The following AOPEP variants were observed in gnomAD, a reference collection of about 807,000 sequenced individuals.
AOPEP encodes aminopeptidase O.
A neutral mutation model predicts 98.1 loss-of-function variants in AOPEP; 77 were observed. That is an observed-to-expected ratio of 0.78 (90% CI 0.65 to 0.95). The LOEUF (loss-of-function observed/expected upper bound fraction) is 0.95. Among genes scored for constraint, AOPEP ranks in the 40% least tolerant of loss-of-function variants. The probability of loss-of-function intolerance (pLI) is 0.00; values close to 1 mark genes in which losing one functional copy is unlikely to be tolerated. For missense variants in AOPEP, 1,024 were observed against 1,024.7 expected (o/e 1.00, Z 0.01); for synonymous variants, 346 against 365.3 (o/e 0.95, Z 0.60).
At chr9:94,782,298 A>G (rs1312892610) in intron 3 of AOPEP, among the ~76,000 whole-genome samples, 1 of 152,218 alleles carries the variant, frequency 6.6e-6, no homozygotes, top group Non-Finnish European at 1.5e-5. Context: ...TTCCAGATGA[A>G]GGAGAAAAAG....
At chr9:95,149,948 C>T in the AOPEP span, 1 of 1,609,614 alleles carries the variant, frequency 6.2e-7, no homozygotes. Flanking sequence ...TTTACAGCCT[C>T]AAAGAACTCT....
the AOPEP span, among the ~76,000 whole-genome samples, chr9:95,113,484 A>AC: frequency 6.6e-6 from 1 of 152,132 alleles, no homozygotes; most frequent in African/African-American, 2.4e-5. Flanking sequence ...ATAAGAGGGT[A>AC]CCTAACACTA....
Position 94,934,080 on chromosome 9 carries a change from C to T in AOPEP, c.1661+5549C>T, listed in dbSNP as rs558502306. 1.8e-4 allele frequency among the ~76,000 whole-genome samples: 28 copies of T among 152,236 alleles called. No homozygotes were observed. The East Asian group carries it at 5.4e-3, about 29-fold the overall frequency. ...ATCTTATTTTTAAATTGAAAGCTTA[C>T]AGGCTTCAAGGAAGAGTCTGATAAG... On this transcript the variant is annotated intron_variant, in intron 7 of 16. Transcript: ENST00000375315.
At chr9:95,078,348 C>T (rs1409252321) in intron 14 of AOPEP, among the ~76,000 whole-genome samples, 5 of 152,142 alleles carry the variant, frequency 3.3e-5, no homozygotes, top group Non-Finnish European at 5.9e-5. Flanking sequence ...TGAAGGAAAG[C>T]ACAGAAAGAA....
intron 5 of AOPEP, among the ~76,000 whole-genome samples, chr9:94,868,091 C>G (rs777552021): frequency 1.1e-4 from 17 of 152,174 alleles, no homozygotes; most frequent in Non-Finnish European, 1.5e-5. Context: ...AAGAAAAATT[C>G]CAAAGCTGCA....
chr9:95,069,648 G>A (rs2068274809), intron 14 of AOPEP, among the ~76,000 whole-genome samples: 1 of 152,242 alleles, frequency 6.6e-6, no homozygotes, highest in Admixed American at 6.5e-5. Context: ...ATTTGTCTAA[G>A]ACCACACAGG....
intron 5 of AOPEP, among the ~76,000 whole-genome samples, chr9:94,890,086 G>A (rs546748443): frequency 3.3e-5 from 5 of 150,794 alleles, no homozygotes; most frequent in Non-Finnish European, 7.4e-5. Flanking sequence ...GTGCAGTGGT[G>A]TGATGGTCTT....
intron 1 of AOPEP, among the ~76,000 whole-genome samples, chr9:94,734,038 G>T (rs1395797110): frequency 2.0e-5 from 3 of 152,178 alleles, no homozygotes; most frequent in African/African-American, 4.8e-5. Flanking sequence ...TAAATATTGA[G>T]ATCTGAATGC....
intron 6 of AOPEP, 54 bp from the exon 7 acceptor site, chr9:94,928,371 C>A: frequency 7.6e-7 from 1 of 1,318,784 alleles, no homozygotes; most frequent in Non-Finnish European, 1.1e-6. Flanking sequence ...GCACCAGGAC[C>A]ACAACAGTGA....
At chr9:95,013,419 T>TTTA (rs1428733939) in intron 13 of AOPEP, among the ~76,000 whole-genome samples, 2 of 151,756 alleles carry the variant, frequency 1.3e-5, no homozygotes, top group African/African-American at 4.8e-5. Flanking sequence ...TTTTTTTTTT[T>TTTA]TACTTCCTGT....
At chr9:95,031,443 A>G (rs1033464338) in intron 13 of AOPEP, among the ~76,000 whole-genome samples, 2 of 152,160 alleles carry the variant, frequency 1.3e-5, no homozygotes, top group South Asian at 4.1e-4. Context: ...GACGTCATCT[A>G]GGTCTTCATT....
At chr9:94,820,453 A>G (rs545587527) in intron 5 of AOPEP, among the ~76,000 whole-genome samples, 1 of 152,236 alleles carries the variant, frequency 6.6e-6, no homozygotes, top group East Asian at 1.9e-4. Flanking sequence ...TTTGTCAATT[A>G]TCATTATCCC....
intron 1 of AOPEP, among the ~76,000 whole-genome samples, chr9:94,751,888 CTT>C (rs80060505): frequency 2.4e-4 from 25 of 104,504 alleles, no homozygotes; most frequent in Non-Finnish European, 2.3e-4. Flanking sequence ...CCCATGAAAA[CTT>C]TTTTTTTTTT....
intron 4 of AOPEP, among the ~76,000 whole-genome samples, chr9:94,797,632 A>ATGAT (rs1219955525): frequency 2.0e-5 from 3 of 151,852 alleles, no homozygotes; most frequent in Non-Finnish European, 4.4e-5. Context: ...TGAGTTTATG[A>ATGAT]TGATTGTATA....
At chr9:95,028,937 G>T (rs1328258350) in intron 13 of AOPEP, among the ~76,000 whole-genome samples, 4 of 152,342 alleles carry the variant, frequency 2.6e-5, no homozygotes, top group Middle Eastern at 6.8e-3. Flanking sequence ...CCAGATGTCC[G>T]CAGTGTTTTG....
chr9:95,132,850 TTTTTGTTACA>T, the AOPEP span, among the ~76,000 whole-genome samples: 1 of 152,194 alleles, frequency 6.6e-6, no homozygotes, highest in Non-Finnish European at 1.5e-5. Flanking sequence ...TTATCTTTTG[TTTTTGTTACA>T]TTTTGGTAAC....
intron 1 of AOPEP, among the ~76,000 whole-genome samples, chr9:94,731,115 T>A (rs1830420077): frequency 6.6e-6 from 1 of 152,194 alleles, no homozygotes; most frequent in Non-Finnish European, 1.5e-5. Flanking sequence ...TTCTGGATGC[T>A]TGTTTTCTCA....
At chr9:94,737,148 TAGAC>T (rs1831961717) in intron 1 of AOPEP, among the ~76,000 whole-genome samples, 1 of 152,232 alleles carries the variant, frequency 6.6e-6, no homozygotes, top group Admixed American at 6.5e-5. Flanking sequence ...TTTTTTCTGT[TAGAC>T]AGAGTCTTGC....
intron 14 of AOPEP, among the ~76,000 whole-genome samples, chr9:95,078,496 A>G (rs1291428892): frequency 1.3e-5 from 2 of 152,272 alleles, no homozygotes; most frequent in Non-Finnish European, 2.9e-5. Context: ...AACACTTTAA[A>G]GAACACTTAG....
Sources: gnomAD v4.1 joint callset for allele counts (sites outside exome capture counted in the v4.1 genomes callset) on GRCh38, gnomAD v4.1.1 for gene constraint, MANE v1.5 for transcripts, NCBI Gene and HGNC (gene_info 2026-07-23, HGNC 2026-07-21) for gene names.